Variants in RIMS1 observed in about 807,000 individuals in gnomAD.
RIMS1 encodes the protein regulating synaptic membrane exocytosis 1.
Under a neutral mutation model 214.1 loss-of-function variants are expected in RIMS1, and 83 were observed. The observed-to-expected ratio is 0.39, with a 90% confidence interval of 0.32 to 0.47. The LOEUF is 0.47. RIMS1 is among the 20% of genes least tolerant of loss of function. The pLI is 0.99. For missense variants in RIMS1, 2,050 were observed against 2,161.8 expected, an observed-to-expected ratio of 0.95 and a Z score of 1.03; for synonymous variants, 793 against 786.8, an observed-to-expected ratio of 1.01 and a Z score of -0.13.
In RIMS1 at chr6:72,237,853, C is replaced by T; in HGVS notation, c.1888C>T (p.Arg630Ter). 1.9e-6 allele frequency: 3 copies of T among 1,613,264 alleles called. No homozygotes were observed. Among genetic ancestry groups the T allele is most frequent in the Non-Finnish European group, 1.7e-6 (2 of 1,179,536 alleles). Residue 630 changes from arginine to a stop codon, truncating the protein, a stop_gained, in exon 9 of 34, where the codon CGA (arginine) becomes TGA (stop). Transcript: ENST00000521978. LOFTEE classifies it high-confidence loss of function. ...VVGGKMTDLG[R>*]LGAFITKVKK... ...TGGAGGAAAAATGACTGACTTAGGA[C>T]GACTTGGTGCTTTCATCACCAAAGT...
chr6:72,212,768 G>C, intron 6 of RIMS1: 1 of 988,608 alleles, frequency 1.0e-6, no homozygotes, highest in Non-Finnish European at 1.2e-6. Context: ...GAATCCTGTG[G>C]ATCTGGTTAA....
intron 26 of RIMS1, among the ~76,000 whole-genome samples, chr6:72,303,625 G>GTT (rs1385714379): frequency 1.2e-4 from 18 of 151,300 alleles, no homozygotes; most frequent in Admixed American, 2.6e-4. Flanking sequence ...ATAAGTTCCA[G>GTT]TTTTATACTT....
chr6:72,306,481 C>T (rs1370867342), intron 26 of RIMS1, among the ~76,000 whole-genome samples: 2 of 152,114 alleles, frequency 1.3e-5, no homozygotes, highest in Admixed American at 1.3e-4. Flanking sequence ...AGTGATGTTG[C>T]TGATGGTGGA....
At chr6:71,941,947 C>G (rs138228570) in intron 1 of RIMS1, among the ~76,000 whole-genome samples, 276 of 152,270 alleles carry the variant, frequency 1.8e-3, no homozygotes, top group Non-Finnish European at 3.3e-3. Context: ...GTCTTTTCTG[C>G]CAGTTGACAG....
chr6:71,930,922 A>G (rs1316357567), intron 1 of RIMS1, among the ~76,000 whole-genome samples: 2 of 152,040 alleles, frequency 1.3e-5, no homozygotes, highest in Admixed American at 6.6e-5. Context: ...CAAAGCAGAG[A>G]TTGGCCTCAT....
chr6:72,191,862 A>G (rs1312506489), intron 6 of RIMS1, among the ~76,000 whole-genome samples: 1 of 152,118 alleles, frequency 6.6e-6, no homozygotes, highest in East Asian at 1.9e-4. Flanking sequence ...GGAGAGTTGA[A>G]CGGGGATGTG....
intron 1 of RIMS1, among the ~76,000 whole-genome samples, chr6:71,888,444 G>A (rs73536321): frequency 0.011 from 1,720 of 152,274 alleles, 31 homozygotes; most frequent in African/African-American, 0.039. Context: ...GGAGGGAGCA[G>A]GGGTGAAACC....
chr6:72,073,914 G>A (rs1831165901), intron 2 of RIMS1, among the ~76,000 whole-genome samples: 1 of 152,052 alleles, frequency 6.6e-6, no homozygotes, highest in African/African-American at 2.4e-5. Context: ...TCCTTAATGT[G>A]TCCAAGAACT....
chr6:72,121,981 C>G (rs1484060791), intron 4 of RIMS1, among the ~76,000 whole-genome samples: 1 of 151,816 alleles, frequency 6.6e-6, no homozygotes, highest in Non-Finnish European at 1.5e-5. Context: ...GTAGAACCAG[C>G]CTTGCATCCC....
At chr6:71,936,326 C>CAAAAAAAAAAAAA (rs4034728) in intron 1 of RIMS1, among the ~76,000 whole-genome samples, 2 of 68,698 alleles carry the variant, frequency 2.9e-5, no homozygotes, top group Non-Finnish European at 5.2e-5. Context: ...GACTCCGTCT[C>CAAAAAAAAAAAAA]AAAAAAAAAA....
At chr6:72,345,265 G>GTTTTTTCATAGAGATTTTT (rs2097219088) in intron 29 of RIMS1, among the ~76,000 whole-genome samples, 1 of 151,640 alleles carries the variant, frequency 6.6e-6, no homozygotes, top group Admixed American at 6.6e-5. Flanking sequence ...AAACTCCTGT[G>GTTTTTTCATAGAGATTTTT]GTATCACCAC....
At chr6:72,330,644 A>G (rs2154337447) in intron 28 of RIMS1, among the ~76,000 whole-genome samples, 1 of 151,968 alleles carries the variant, frequency 6.6e-6, no homozygotes, top group Admixed American at 6.6e-5. Context: ...TTTATAAAGC[A>G]GAAAACCTTA....
intron 2 of RIMS1, among the ~76,000 whole-genome samples, chr6:71,981,120 G>T (rs1798371264): frequency 6.6e-6 from 1 of 152,052 alleles, no homozygotes; most frequent in Admixed American, 6.6e-5. Context: ...TTCTGCATAA[G>T]ATTAAAGCAG....
At chr6:72,370,231 TAG>T (rs2098173170) in intron 29 of RIMS1, among the ~76,000 whole-genome samples, 2 of 152,302 alleles carry the variant, frequency 1.3e-5, no homozygotes, top group East Asian at 3.9e-4. Context: ...GAGAAGAGGC[TAG>T]TGGTTTTATT....
intron 4 of RIMS1, among the ~76,000 whole-genome samples, chr6:72,114,805 T>C (rs889793849): frequency 1.3e-5 from 2 of 151,924 alleles, no homozygotes; most frequent in Non-Finnish European, 2.9e-5. Context: ...TCATTAGAAC[T>C]GTACTTAGCT....
chr6:72,319,190 A>G (rs1323257730), intron 28 of RIMS1, among the ~76,000 whole-genome samples: 1 of 152,134 alleles, frequency 6.6e-6, no homozygotes, highest in Non-Finnish European at 1.5e-5. Flanking sequence ...TGGATGTTAA[A>G]CTGGAAGTAA....
chr6:72,361,986 G>GTATTT (rs1484549663), intron 29 of RIMS1, among the ~76,000 whole-genome samples: 2 of 151,652 alleles, frequency 1.3e-5, no homozygotes, highest in East Asian at 3.9e-4. Flanking sequence ...GTATTGTATT[G>GTATTT]TATTGTATTG....
At chr6:72,298,294 C>T (rs1056890852) in intron 26 of RIMS1, among the ~76,000 whole-genome samples, 1 of 151,966 alleles carries the variant, frequency 6.6e-6, no homozygotes, top group East Asian at 1.9e-4. Context: ...AAAAGTGTTA[C>T]ATATTTATCT....
chr6:72,208,772 C>G (rs930393667), intron 6 of RIMS1, among the ~76,000 whole-genome samples: 10 of 152,092 alleles, frequency 6.6e-5, no homozygotes, highest in African/African-American at 2.2e-4. Flanking sequence ...TCTTGATGTT[C>G]CTTTCCTACC....
Sources: allele counts gnomAD v4.1 joint callset (sites outside exome capture counted in the v4.1 genomes callset), GRCh38; gene constraint gnomAD v4.1.1; transcripts MANE v1.5; gene names NCBI Gene and HGNC (gene_info 2026-07-23, HGNC 2026-07-21).